Variants in SH3KBP1 observed in about 807,000 individuals in gnomAD.
The protein encoded by SH3KBP1 is SH3 domain-containing kinase-binding protein 1.
A neutral mutation model predicts 50.1 loss-of-function variants in SH3KBP1; 8 were observed. The ratio of observed to expected loss-of-function variants is 0.16; its 90% CI spans 0.09 to 0.29. The LOEUF is 0.29. Among genes scored for constraint, SH3KBP1 ranks in the 10% least tolerant of loss-of-function variants. The pLI, the probability that SH3KBP1 is intolerant of heterozygous loss-of-function variation, is 1.00. For synonymous variants in SH3KBP1, 227 were observed against 218.6 expected, an observed-to-expected ratio of 1.04 and a Z score of -0.34; for missense variants, 377 against 535.2, an observed-to-expected ratio of 0.70 and a Z score of 2.92.
At position 19,880,811 on chromosome X, in the gene SH3KBP1, C is replaced by T. The variant is rs190961191; in HGVS notation, c.4+6496G>A. On this transcript the variant is annotated intron_variant, in intron 1 of 17. Transcript: ENST00000397821. ...CCTCATAAAAGGCAGGCAGGTGGCTCGGTGAAAGATAGGAGATGCCAGGAC... is the reference window on the plus strand; with the variant it reads ...CCTCATAAAAGGCAGGCAGGTGGCTTGGTGAAAGATAGGAGATGCCAGGAC... Among the ~76,000 whole-genome samples the T allele has an allele frequency of 3.3e-3, 371 of 111,139 alleles. 1 individual carries two copies. The highest frequency in any genetic ancestry group is 0.011 in the African/African-American group (344 of 30,531).
chrX:19,883,902 C>T (rs963563014), intron 1 of SH3KBP1, among the ~76,000 whole-genome samples: 3 of 111,477 alleles, frequency 2.7e-5, no homozygotes, highest in Admixed American at 9.5e-5. Context: ...CCCCTGGTAG[C>T]ATCCAATCCA....
intron 1 of SH3KBP1, among the ~76,000 whole-genome samples, chrX:19,838,708 G>C (rs1386304954): frequency 9.1e-6 from 1 of 110,078 alleles, no homozygotes; most frequent in Non-Finnish European, 1.9e-5. Context: ...CCAACATGAT[G>C]AAGCCCTGTC....
chrX:19,564,544 C>T (rs1474904463), intron 13 of SH3KBP1, among the ~76,000 whole-genome samples: 2 of 110,742 alleles, frequency 1.8e-5, no homozygotes, highest in Non-Finnish European at 3.8e-5. Context: ...CCTCTCCCCT[C>T]TCTTCTCTCG....
Position 19,631,970 on chromosome X carries a change from A to G in SH3KBP1, c.803-12T>C. Reference sequence around the variant, plus strand: ...GCAGTAATCCTTGCCTATAAGAAAAACAGAAAACATAACCTTTAAAATGCT... The same window carrying G: ...GCAGTAATCCTTGCCTATAAGAAAAGCAGAAAACATAACCTTTAAAATGCT... On this transcript the variant is annotated splice_polypyrimidine_tract_variant and intron_variant, in intron 7 of 17. Transcript: ENST00000397821. 9.4e-7 allele frequency: 1 copy of G among 1,065,857 alleles called. No homozygotes were observed. Among genetic ancestry groups the G allele is most frequent in the South Asian group, 2.0e-5 (1 of 49,675 alleles). 87.8% of individuals were successfully genotyped at this position (1,065,857 alleles called of 1,213,427 possible).
chrX:19,852,953 T>A (rs2068549680), intron 1 of SH3KBP1, among the ~76,000 whole-genome samples: 1 of 112,186 alleles, frequency 8.9e-6, no homozygotes, highest in Admixed American at 9.5e-5. Flanking sequence ...ACAACAGTGA[T>A]ATAAAGCCAT....
chrX:19,540,874 C>G (rs1357400850), intron 16 of SH3KBP1, among the ~76,000 whole-genome samples: 1 of 111,766 alleles, frequency 8.9e-6, no homozygotes, highest in Non-Finnish European at 1.9e-5. Flanking sequence ...GCTAACTGAT[C>G]CCTAAACTCC....
At chrX:19,785,745 C>T (rs960124778) in intron 2 of SH3KBP1, among the ~76,000 whole-genome samples, 21 of 111,795 alleles carry the variant, frequency 1.9e-4, no homozygotes, top group African/African-American at 5.2e-4. Flanking sequence ...ATGATTCAGC[C>T]TTACAAAGGA....
At chrX:19,682,325 A>C (rs1226877658) in intron 6 of SH3KBP1, among the ~76,000 whole-genome samples, 1 of 98,559 alleles carries the variant, frequency 1.0e-5, no homozygotes, top group Admixed American at 1.1e-4. Context: ...TAGCAATAAT[A>C]AGAGTCATAC....
chrX:19,842,694 T>C lies in SH3KBP1; in HGVS notation c.5-6412A>G, dbSNP rs568352736. Among the ~76,000 whole-genome samples, 33 of 111,484 alleles carry C rather than the reference T, an allele frequency of 3.0e-4. No homozygotes were observed. The South Asian group carries it at 0.011, about 38-fold the overall frequency. On this transcript the variant is annotated intron_variant, in intron 1 of 17. Coordinates refer to ENST00000397821, the MANE Select transcript of SH3KBP1 (RefSeq NM_031892.3). The stretch of plus-strand genomic sequence containing the variant: ...GGGGAACTTCCCCTCCACCATGAGA[T>C]AGTTTGATGGGACTGTCCATCAACA...
intron 16 of SH3KBP1, among the ~76,000 whole-genome samples, chrX:19,539,196 C>T (rs374470404): frequency 1.8e-5 from 2 of 112,284 alleles, no homozygotes; most frequent in South Asian, 7.4e-4. Context: ...GTATCCAACA[C>T]TCCATTTTAC....
chrX:19,877,912 C>T (rs934709082), intron 1 of SH3KBP1, among the ~76,000 whole-genome samples: 5 of 112,370 alleles, frequency 4.4e-5, no homozygotes, highest in Non-Finnish European at 1.9e-5. Context: ...CCACCACTTC[C>T]GTGGCCACAG....
At chrX:19,591,317 T>C (rs1025988025) in intron 11 of SH3KBP1, among the ~76,000 whole-genome samples, 3 of 112,095 alleles carry the variant, frequency 2.7e-5, no homozygotes, top group African/African-American at 6.5e-5. Context: ...ACTTTTCCCA[T>C]AAAAATGTGT....
chrX:19,636,433 A>C (rs1385037568), intron 7 of SH3KBP1, among the ~76,000 whole-genome samples: 1 of 111,004 alleles, frequency 9.0e-6, no homozygotes, highest in Non-Finnish European at 1.9e-5. Context: ...CAAAGCTGTT[A>C]GTTACCTAGT....
intron 2 of SH3KBP1, among the ~76,000 whole-genome samples, chrX:19,765,549 T>A (rs954372577): frequency 2.1e-4 from 24 of 112,012 alleles, no homozygotes; most frequent in African/African-American, 7.8e-4. Context: ...TAAAAAAAAT[T>A]TTTTTTAATT....
rs780404348 is a variant in SH3KBP1, at chrX:19,678,657, A to G, written c.726+5166T>C. Among the ~76,000 whole-genome samples the G allele has an allele frequency of 2.7e-5, 3 of 111,364 alleles. No individual in the cohort carries two copies. In the East Asian group the frequency reaches 8.4e-4, roughly 31 times the overall value. ...AATCAGCAAAATATTTTGATTATCC[A>G]TTCACTCACTCATCTAATTAATTAA... On this transcript the variant is annotated intron_variant, in intron 6 of 17. Coordinates refer to ENST00000397821, the MANE Select transcript of SH3KBP1 (RefSeq NM_031892.3).
chrX:19,585,622 C>T (rs1050629237), intron 12 of SH3KBP1, among the ~76,000 whole-genome samples: 7 of 111,340 alleles, frequency 6.3e-5, no homozygotes, highest in South Asian at 3.8e-4. Context: ...CAAGGAGGGG[C>T]GAGCACCGTC....
chrX:19,727,250 A>G (rs953656369), intron 3 of SH3KBP1, among the ~76,000 whole-genome samples: 3 of 112,397 alleles, frequency 2.7e-5, no homozygotes, highest in Admixed American at 9.4e-5. Context: ...ACTATCGCCA[A>G]CATCCATCTC....
intron 4 of SH3KBP1, among the ~76,000 whole-genome samples, chrX:19,704,734 C>T (rs2063613777): frequency 8.9e-6 from 1 of 112,392 alleles, no homozygotes; most frequent in Admixed American, 9.4e-5. Context: ...AAGCTCTCAG[C>T]TTAGAATATA....
At chrX:19,861,290 T>C (rs994427062) in intron 1 of SH3KBP1, among the ~76,000 whole-genome samples, 1 of 109,224 alleles carries the variant, frequency 9.2e-6, no homozygotes, top group African/African-American at 3.3e-5. Context: ...GGCAGAAGAA[T>C]GGCATGAACC....
Sources: gnomAD v4.1 joint callset for allele counts (sites outside exome capture counted in the v4.1 genomes callset) on GRCh38, gnomAD v4.1.1 for gene constraint, MANE v1.5 for transcripts, NCBI Gene and HGNC (gene_info 2026-07-23, HGNC 2026-07-21) for gene names.